The following TENM4 variants were observed in gnomAD, a reference collection of about 807,000 sequenced individuals.
TENM4 encodes the protein teneurin-4.
TENM4 carries 82 observed loss-of-function variants against 243.3 expected under a neutral mutation model. The observed-to-expected ratio is 0.34, with a 90% confidence interval of 0.28 to 0.40. TENM4 has a LOEUF of 0.40. TENM4 is among the 10% of genes least tolerant of loss of function. The pLI is 1.00. For missense variants in TENM4, 3,138 were observed against 3,673.3 expected, an observed-to-expected ratio of 0.85 and a Z score of 3.77; for synonymous variants, 1,412 against 1,456.3, an observed-to-expected ratio of 0.97 and a Z score of 0.69.
chr11:78,717,981 G>C (rs1859560142), intron 25 of TENM4, among the ~76,000 whole-genome samples: 1 of 152,216 alleles, frequency 6.6e-6, no homozygotes, highest in South Asian at 2.1e-4. Flanking sequence ...GCCCGACACA[G>C]CAGGCTGGCA....
intron 12 of TENM4, among the ~76,000 whole-genome samples, chr11:78,851,001 C>T (rs1460739446): frequency 6.6e-6 from 1 of 152,138 alleles, no homozygotes; most frequent in African/African-American, 2.4e-5. Context: ...TGGGCTTCAC[C>T]GCAGGCCTAC....
At chr11:78,676,652 G>A (rs565438235) in intron 29 of TENM4, among the ~76,000 whole-genome samples, 2 of 152,282 alleles carry the variant, frequency 1.3e-5, no homozygotes, top group East Asian at 3.9e-4. Flanking sequence ...AAATAGGTAA[G>A]AGTTTTAAAA....
At chr11:79,369,635 T>C (rs941364679) in intron 1 of TENM4, among the ~76,000 whole-genome samples, 4 of 152,132 alleles carry the variant, frequency 2.6e-5, no homozygotes, top group African/African-American at 9.7e-5. Context: ...GGTGAAGAAA[T>C]AGTCAACCTC....
At chr11:79,108,507 G>A (rs562051016) in intron 4 of TENM4, among the ~76,000 whole-genome samples, 23 of 151,038 alleles carry the variant, frequency 1.5e-4, no homozygotes, top group African/African-American at 2.4e-4. Context: ...GTGTGTGTGT[G>A]TATATATATA....
chr11:79,266,582 G>C (rs1411768440), intron 2 of TENM4, among the ~76,000 whole-genome samples: 1 of 152,204 alleles, frequency 6.6e-6, no homozygotes, highest in Non-Finnish European at 1.5e-5. Flanking sequence ...ACTAGTATCA[G>C]TAGAGGCTCC....
chr11:79,160,857 A>C (rs533870), intron 3 of TENM4, among the ~76,000 whole-genome samples: 43,214 of 152,122 alleles, frequency 0.28, 7,113 homozygotes, highest in Middle Eastern at 0.4. Flanking sequence ...TCTCAGCCAA[A>C]GACTAGATTT....
At chr11:79,125,579 C>T (rs1481572344) in intron 4 of TENM4, among the ~76,000 whole-genome samples, 2 of 152,114 alleles carry the variant, frequency 1.3e-5, no homozygotes, top group African/African-American at 4.8e-5. Flanking sequence ...TGTGGGACGA[C>T]CCTGATGAAG....
At chr11:78,693,660 A>AT (rs1858883576) in intron 28 of TENM4, among the ~76,000 whole-genome samples, 1 of 152,088 alleles carries the variant, frequency 6.6e-6, no homozygotes, top group Admixed American at 6.5e-5. Context: ...CCTCCCACTG[A>AT]TTTTTCTTCA....
chr11:79,146,319 A>G (rs1042613585), intron 4 of TENM4, among the ~76,000 whole-genome samples: 2 of 152,142 alleles, frequency 1.3e-5, no homozygotes, highest in Admixed American at 1.3e-4. Context: ...TCTGGAGAAC[A>G]AGGATGTTAG....
Position 78,824,902 on chromosome 11 carries a change from C to T in TENM4, c.1682-10507G>A, listed in dbSNP as rs866071847. On this transcript the variant is annotated intron_variant, in intron 12 of 33. Transcript: ENST00000278550. ...AGATTAGTCAATTATAGAGTCAGGA[C>T]TACTGCAGAGGATGCTGCCAGGGCC... 3.3e-5 allele frequency among the ~76,000 whole-genome samples: 5 copies of T among 152,318 alleles called. No individual in the cohort carries two copies. In the South Asian group the frequency reaches 1.0e-3, roughly 32 times the overall value.
chr11:78,754,857 C>T (rs1236383367), intron 19 of TENM4, among the ~76,000 whole-genome samples: 1 of 152,212 alleles, frequency 6.6e-6, no homozygotes, highest in Non-Finnish European at 1.5e-5. Context: ...CATCAAGTAG[C>T]TTCACCTCTA....
At chr11:78,920,492 C>T (rs1856424614) in intron 6 of TENM4, among the ~76,000 whole-genome samples, 1 of 152,170 alleles carries the variant, frequency 6.6e-6, no homozygotes, top group Non-Finnish European at 1.5e-5. Context: ...AATAGGCATC[C>T]TCTGGGTAAC....
intron 1 of TENM4, among the ~76,000 whole-genome samples, chr11:79,307,908 C>T (rs1168200576): frequency 6.6e-6 from 1 of 152,214 alleles, no homozygotes; most frequent in Non-Finnish European, 1.5e-5. Flanking sequence ...GGAGCCAAGG[C>T]CAGTGGGATG....
chr11:78,765,030 G>A (rs1000688953), intron 18 of TENM4, among the ~76,000 whole-genome samples: 18 of 152,286 alleles, frequency 1.2e-4, no homozygotes, highest in African/African-American at 4.1e-4. Context: ...CAGCCCCATG[G>A]ACAGTGTATA....
At chr11:79,326,156 A>G (rs952986976) in intron 1 of TENM4, among the ~76,000 whole-genome samples, 1 of 152,208 alleles carries the variant, frequency 6.6e-6, no homozygotes, top group African/African-American at 2.4e-5. Context: ...TCTCTGAAGT[A>G]GAACCTGACT....
At chr11:79,186,901 T>A (rs528798138) in intron 3 of TENM4, among the ~76,000 whole-genome samples, 26 of 152,328 alleles carry the variant, frequency 1.7e-4, no homozygotes, top group South Asian at 1.0e-3. Flanking sequence ...CGGAGCCCGA[T>A]TCTCTGGCTA....
chr11:79,092,923 T>A (rs1860995383), intron 4 of TENM4: 1 of 152,226 alleles, frequency 6.6e-6, no homozygotes, highest in South Asian at 2.1e-4. Context: ...TTTCCTTATC[T>A]GCAGTATGAG....
At chr11:78,950,585 GTA>G (rs1357771637) in intron 6 of TENM4, among the ~76,000 whole-genome samples, 2 of 152,174 alleles carry the variant, frequency 1.3e-5, no homozygotes, top group Non-Finnish European at 2.9e-5. Flanking sequence ...GCAAGTTATT[GTA>G]TCTTTCTTAG....
At chr11:78,903,880 C>T (rs747823257) in intron 6 of TENM4, 3 of 547,540 alleles carry the variant, frequency 5.5e-6, no homozygotes, top group South Asian at 1.5e-5. Context: ...CCAGCAGCTT[C>T]AGCATCGTCT....
Sources: gnomAD v4.1 joint callset for allele counts (sites outside exome capture counted in the v4.1 genomes callset) on GRCh38, gnomAD v4.1.1 for gene constraint, MANE v1.5 for transcripts, NCBI Gene and HGNC (gene_info 2026-07-23, HGNC 2026-07-21) for gene names.